The following KCNJ3 variants were observed in gnomAD, a reference collection of about 807,000 sequenced individuals.
The protein encoded by KCNJ3 is G protein-activated inward rectifier potassium channel 1.
A neutral mutation model predicts 39.2 loss-of-function variants in KCNJ3; 4 were observed. The observed-to-expected ratio is 0.10, with a 90% CI of 0.05 to 0.23. The LOEUF (loss-of-function observed/expected upper bound fraction) is 0.23, where lower values mean the gene tolerates loss of function less well. KCNJ3 is among the 10% of genes least tolerant of loss of function. The pLI, the probability that KCNJ3 is intolerant of heterozygous loss-of-function variation, is 1.00. For synonymous variants in KCNJ3, 230 were observed against 237.4 expected, an observed-to-expected ratio of 0.97 and a Z score of 0.29; for missense variants, 276 against 634.9, an observed-to-expected ratio of 0.43 and a Z score of 6.08.
chr2:154,776,253 TG>T (rs1686332837), intron 2 of KCNJ3, among the ~76,000 whole-genome samples: 1 of 152,054 alleles, frequency 6.6e-6, no homozygotes, highest in South Asian at 2.1e-4. Context: ...CTGCCTTCCT[TG>T]GCCTCCCAAA....
rs114017347 is a variant in KCNJ3 at position 154,706,551 on chromosome 2, A to T, written c.703-3052A>T. ...TCATCTTTATTTTTCTTTCACTTTC[A>T]TATACATGTATTTATCACAGTTCCT... is the stretch of plus-strand genomic sequence containing the variant. On this transcript the variant is annotated intron_variant, in intron 1 of 2. Transcript: ENST00000295101. Among the ~76,000 whole-genome samples, 1,239 of 152,200 alleles carry T rather than the reference A, an allele frequency of 8.1e-3. 12 individuals are homozygous for T. The highest frequency in any genetic ancestry group is 0.028 in the African/African-American group (1,161 of 41,542).
chr2:154,854,998 A>C lies in KCNJ3; in HGVS notation c.1191A>C (p.Thr397=). The change falls in exon 3 of 3, where the codon ACA becomes ACC. Residue 397 remains threonine, a synonymous_variant. Transcript: ENST00000295101. ...ECLDGLDDIT[T]KLPSKLQKIT... ...TAGATGGACTAGATGATATTACTAC[A>C]AAACTACCATCTAAGCTGCAGAAAA... is the stretch of plus-strand genomic sequence containing the variant. 1 of 1,614,104 alleles carries C rather than the reference A, an allele frequency of 6.2e-7. No individual in the cohort carries two copies. Among genetic ancestry groups the C allele is most frequent in the Non-Finnish European group, 8.5e-7 (1 of 1,179,978 alleles).
chr2:154,789,125 T>C (rs573023011), intron 2 of KCNJ3, among the ~76,000 whole-genome samples: 1 of 152,208 alleles, frequency 6.6e-6, no homozygotes, highest in Admixed American at 6.6e-5. Context: ...GATATGGATG[T>C]TTGGTGGCTA....
chr2:154,729,384 A>C (rs1685414864), intron 2 of KCNJ3, among the ~76,000 whole-genome samples: 1 of 152,194 alleles, frequency 6.6e-6, no homozygotes, highest in Non-Finnish European at 1.5e-5. Context: ...ATAAAGTGAT[A>C]AGAGGAGAAA....
chr2:154,774,849 T>G (rs1686304647), intron 2 of KCNJ3, among the ~76,000 whole-genome samples: 1 of 152,198 alleles, frequency 6.6e-6, no homozygotes, highest in Non-Finnish European at 1.5e-5. Flanking sequence ...GAAGTTATCC[T>G]TCTATTTTTG....
intron 2 of KCNJ3, among the ~76,000 whole-genome samples, chr2:154,853,819 T>G (rs1687796619): frequency 6.6e-6 from 1 of 152,152 alleles, no homozygotes; most frequent in African/African-American, 2.4e-5. Flanking sequence ...TAGAATACCA[T>G]GAGGCAAATG....
At chr2:154,835,756 A>ATATT (rs1365550339) in intron 2 of KCNJ3, among the ~76,000 whole-genome samples, 4 of 151,948 alleles carry the variant, frequency 2.6e-5, no homozygotes, top group African/African-American at 9.7e-5. Context: ...AAGCTTTTGA[A>ATATT]TATTAGGCAG....
At chr2:154,751,170 G>A (rs1685839197) in intron 2 of KCNJ3, among the ~76,000 whole-genome samples, 1 of 151,458 alleles carries the variant, frequency 6.6e-6, no homozygotes, top group Non-Finnish European at 1.5e-5. Flanking sequence ...AAAATCATAA[G>A]GTAGATGAAT....
chr2:154,829,038 T>C (rs1254117066), intron 2 of KCNJ3, among the ~76,000 whole-genome samples: 5 of 152,172 alleles, frequency 3.3e-5, no homozygotes, highest in Non-Finnish European at 2.9e-5. Context: ...GTGACTTTCC[T>C]CTGTGGCCTG....
intron 1 of KCNJ3, among the ~76,000 whole-genome samples, chr2:154,704,833 G>A (rs934174075): frequency 3.3e-5 from 5 of 149,830 alleles, no homozygotes; most frequent in African/African-American, 1.3e-4. Flanking sequence ...CTCATTCCAT[G>A]TAATTTTTTT....
chr2:154,799,421 G>T (rs1341803738), intron 2 of KCNJ3, among the ~76,000 whole-genome samples: 2 of 152,186 alleles, frequency 1.3e-5, no homozygotes, highest in East Asian at 3.9e-4. Flanking sequence ...ACTGTGTCCA[G>T]CCACAAGAGT....
chr2:154,770,300 A>G (rs1686216471), intron 2 of KCNJ3, among the ~76,000 whole-genome samples: 1 of 152,230 alleles, frequency 6.6e-6, no homozygotes, highest in South Asian at 2.1e-4. Context: ...AAGAATTTGT[A>G]TCACTGGGAC....
chr2:154,731,910 T>C (rs1017347619), intron 2 of KCNJ3, among the ~76,000 whole-genome samples: 9 of 152,024 alleles, frequency 5.9e-5, no homozygotes, highest in Admixed American at 6.6e-5. Flanking sequence ...TCTACTGATA[T>C]GTAATGCTAG....
At chr2:154,710,629 G>GTGTGTA (rs1029000465) in intron 2 of KCNJ3, among the ~76,000 whole-genome samples, 3 of 152,136 alleles carry the variant, frequency 2.0e-5, no homozygotes, top group Non-Finnish European at 4.4e-5. Flanking sequence ...ATATGTGTGT[G>GTGTGTA]TGTGTATGTG....
intron 2 of KCNJ3, among the ~76,000 whole-genome samples, chr2:154,834,259 T>C (rs1687411904): frequency 1.3e-5 from 2 of 152,192 alleles, no homozygotes; most frequent in African/African-American, 4.8e-5. Flanking sequence ...TGATATCTCA[T>C]TGTTTTAGTT....
At chr2:154,753,191 A>C (rs995776439) in intron 2 of KCNJ3, among the ~76,000 whole-genome samples, 1 of 152,088 alleles carries the variant, frequency 6.6e-6, no homozygotes, top group East Asian at 1.9e-4. Flanking sequence ...TATAATTATA[A>C]AGTCAAAGGC....
At chr2:154,840,952 C>A (rs375723584) in intron 2 of KCNJ3, among the ~76,000 whole-genome samples, 2 of 152,098 alleles carry the variant, frequency 1.3e-5, no homozygotes, top group East Asian at 1.9e-4. Flanking sequence ...TTGCCCTGGC[C>A]AGAACTTCCA....
In KCNJ3 at chr2:154,766,418, G is replaced by A. The variant is rs1042164081; in HGVS notation, c.919+56599G>A. Among the ~76,000 whole-genome samples the A allele has an allele frequency of 2.6e-5, 4 of 152,054 alleles. No homozygotes were observed. The South Asian group carries it at 8.3e-4, about 32-fold the overall frequency. Reference sequence around the variant, plus strand: ...AGATAAAGGTTGCAGGTTTTCTTCTGCTGTGATGCTGAAGCTCAATATTCA... The same window carrying A: ...AGATAAAGGTTGCAGGTTTTCTTCTACTGTGATGCTGAAGCTCAATATTCA... On this transcript the variant is annotated intron_variant, in intron 2 of 2. Coordinates refer to ENST00000295101, the MANE Select transcript of KCNJ3 (RefSeq NM_002239.4).
At chr2:154,780,800 T>C (rs1242707815) in intron 2 of KCNJ3, among the ~76,000 whole-genome samples, 1 of 152,194 alleles carries the variant, frequency 6.6e-6, no homozygotes, top group East Asian at 1.9e-4. Context: ...GAAATTGACA[T>C]GAATAATTTC....
Sources: gnomAD v4.1 joint callset for allele counts (sites outside exome capture counted in the v4.1 genomes callset) on GRCh38, gnomAD v4.1.1 for gene constraint, MANE v1.5 for transcripts, NCBI Gene and HGNC (gene_info 2026-07-23, HGNC 2026-07-21) for gene names.